FABP3: variants seen among roughly 807,000 people sequenced by gnomAD.
FABP3 encodes fatty acid-binding protein, heart.
A neutral mutation model predicts 13.4 loss-of-function variants in FABP3; 8 were observed. That is an observed-to-expected ratio of 0.60 (90% confidence interval 0.35 to 1.07). The LOEUF is 1.07. Ranked by LOEUF, FABP3 falls within the 50% of genes least tolerant of loss-of-function variation. The probability of loss-of-function intolerance (pLI) is 0.02; values close to 1 mark genes in which losing one functional copy is unlikely to be tolerated. For synonymous variants in FABP3, 64 were observed against 60.0 expected (o/e 1.07, Z -0.31); for missense variants, 135 against 164.7 (o/e 0.82, Z 0.99).
At chr1:31,369,613 A>G (rs1445795369) in intron 1 of FABP3, 56 bp from the exon 2 acceptor site, 3 of 1,548,816 alleles carry the variant, frequency 1.9e-6, no homozygotes, top group Admixed American at 1.8e-5. Context: ...AGCAGTGTAC[A>G]AGAAACTCAA....
Position 31,365,715 on chromosome 1 carries a change from A to AC in FABP3, c.*170_*171insG. 1.6e-6 allele frequency: 1 copy of AC among 608,924 alleles called. No individual in the cohort carries two copies. The highest frequency in any genetic ancestry group is 2.8e-6 in the Non-Finnish European group (1 of 350,888). 37.7% of individuals were successfully genotyped at this position (608,924 alleles called of 1,614,324 possible). A position where few individuals can be genotyped will look rare whatever the true frequency, so the allele number is the denominator to read the frequency against. ...CCTATGAGTGCAGTTAAAAAAAAAA[A>AC]AAAAAAACCACATACACCATGGGAA... On this transcript the variant is annotated 3_prime_UTR_variant, in exon 4 of 4. Coordinates refer to ENST00000373713, the MANE Select transcript of FABP3 (RefSeq NM_004102.5).
In FABP3 at chr1:31,365,778, AAG is replaced by A; in HGVS notation, c.*106_*107del. 6 of 1,031,794 alleles carry A rather than the reference AAG, an allele frequency of 5.8e-6. No individual in the cohort carries two copies. The highest frequency in any genetic ancestry group is 9.0e-6 in the Non-Finnish European group (6 of 668,230). 63.9% of individuals were successfully genotyped at this position (1,031,794 alleles called of 1,614,324 possible). The stretch of plus-strand genomic sequence containing the variant: ...CCCGGTCAGTGGCACCTGACCCCAG[AAG>A]AATTCGTGGATTTGTACAAAATGCA... On this transcript the variant is annotated 3_prime_UTR_variant, in exon 4 of 4. Coordinates refer to ENST00000373713, the MANE Select transcript of FABP3 (RefSeq NM_004102.5).
In FABP3 at chr1:31,372,047, G is replaced by A. The variant is rs1487677411; in HGVS notation, c.73+895C>T. Among the ~76,000 whole-genome samples, 4 of 152,122 alleles carry A rather than the reference G, an allele frequency of 2.6e-5. No homozygotes were observed. In the East Asian group the frequency reaches 7.7e-4, roughly 29 times the overall value. On this transcript the variant is annotated intron_variant, in intron 1 of 3. Transcript: ENST00000373713. ...TTTCAGTTTCCCTGTTGAACTAGATGGTATGGGAATCTCCAAGTTCCTCAC... is the reference window on the plus strand; with the variant it reads ...TTTCAGTTTCCCTGTTGAACTAGATAGTATGGGAATCTCCAAGTTCCTCAC...
rs1490043612 is a variant in FABP3 at position 31,365,706 on chromosome 1, A to T, written c.*180T>A. ...TCAGAGCACCCTATGAGTGCAGTTAAAAAAAAAAAAAAAAAACCACATACA... is the reference window on the plus strand; with the variant it reads ...TCAGAGCACCCTATGAGTGCAGTTATAAAAAAAAAAAAAAAACCACATACA... On this transcript the variant is annotated 3_prime_UTR_variant, in exon 4 of 4. Transcript: ENST00000373713. 1 of 306,142 alleles carries T rather than the reference A, an allele frequency of 3.3e-6. No individual in the cohort carries two copies. Among genetic ancestry groups the T allele is most frequent in the Non-Finnish European group, 6.3e-6 (1 of 158,610 alleles). 19.0% of individuals were successfully genotyped at this position (306,142 alleles called of 1,614,324 possible).
downstream of FABP3, among the ~76,000 whole-genome samples, chr1:31,362,715 G>T (rs1433774649): frequency 6.6e-6 from 1 of 152,186 alleles, no homozygotes; most frequent in Non-Finnish European, 1.5e-5. Flanking sequence ...TAGCAGTCAG[G>T]AGTTCTAAAT....
downstream of FABP3, chr1:31,364,978 C>T (rs1014882837): frequency 1.3e-5 from 2 of 152,208 alleles, no homozygotes; most frequent in Admixed American, 6.5e-5. Flanking sequence ...TCCTGGGTAA[C>T]TTACAGACTT....
chr1:31,359,837 AC>A, the FABP3 span, among the ~76,000 whole-genome samples: 3 of 152,088 alleles, frequency 2.0e-5, no homozygotes, highest in African/African-American at 7.2e-5. Flanking sequence ...TCCATCTGAT[AC>A]TTGAATCCAT....
At chr1:31,368,516 C>A (rs930691099) in intron 2 of FABP3, among the ~76,000 whole-genome samples, 2 of 152,198 alleles carry the variant, frequency 1.3e-5, no homozygotes, top group Non-Finnish European at 2.9e-5. Flanking sequence ...CCATCCCCAG[C>A]TCTGCTGCCA....
chr1:31,360,762 A>G (rs1359787563), downstream of FABP3, among the ~76,000 whole-genome samples: 2 of 152,128 alleles, frequency 1.3e-5, no homozygotes, highest in African/African-American at 4.8e-5. Flanking sequence ...CTGTGTTATA[A>G]AGTATAGTGG....
At chr1:31,361,543 T>C (rs1007029185), downstream of FABP3, among the ~76,000 whole-genome samples, 2 of 152,240 alleles carry the variant, frequency 1.3e-5, no homozygotes, top group African/African-American at 2.4e-5. Flanking sequence ...AATTTGAACT[T>C]AATTCTATCT....
At chr1:31,369,205 G>A in intron 2 of FABP3, 180 bp downstream of exon 2, 1 of 679,832 alleles carries the variant, frequency 1.5e-6, no homozygotes, top group Non-Finnish European at 2.6e-6. Context: ...GGACAGAACT[G>A]ACATGTATTT....
rs780840399 is a variant in FABP3, at chr1:31,373,006, G to T, written c.9C>A (p.Asp3Glu). 5.6e-6 allele frequency: 9 copies of T among 1,613,876 alleles called. No homozygotes were observed. The South Asian group carries it at 6.6e-5, about 12-fold the overall frequency. ...CTAGCTTCCAGGTGCCCAGGAAAGC[G>T]TCCACCATAGTGATGCTGGGCTAGG... MV[D>E]AFLGTWKLVD... Residue 3 changes from aspartate (D) to glutamate (E), a missense_variant, in exon 1 of 4, where the codon GAC (aspartate) becomes GAA (glutamate). Coordinates refer to ENST00000373713, the MANE Select transcript of FABP3 (RefSeq NM_004102.5).
chr1:31,372,622 C>T (rs1431497537), intron 1 of FABP3, among the ~76,000 whole-genome samples: 1 of 152,164 alleles, frequency 6.6e-6, no homozygotes, highest in Non-Finnish European at 1.5e-5. Flanking sequence ...TTTTTCTCCC[C>T]TGGCTACACT....
downstream of FABP3, among the ~76,000 whole-genome samples, chr1:31,365,120 C>T (rs1209699268): frequency 2.0e-5 from 3 of 152,140 alleles, no homozygotes; most frequent in Non-Finnish European, 4.4e-5. Flanking sequence ...CACTTATAAG[C>T]CCTCCCTTTT....
At chr1:31,368,745 G>A (rs990977097) in intron 2 of FABP3, among the ~76,000 whole-genome samples, 2 of 152,234 alleles carry the variant, frequency 1.3e-5, no homozygotes, top group African/African-American at 4.8e-5. Flanking sequence ...GAGGGGCTAA[G>A]GCTTGGTGGG....
chr1:31,369,666 A>G, intron 1 of FABP3, 109 bp from the exon 2 acceptor site: 6 of 1,028,678 alleles, frequency 5.8e-6, no homozygotes, highest in South Asian at 1.6e-5. Flanking sequence ...GGAGGACTGT[A>G]TCTTTCAAAG....
intron 3 of FABP3, 137 bp from the exon 4 acceptor site, chr1:31,366,076 G>A (rs1035526561): frequency 3.5e-5 from 20 of 578,210 alleles, no homozygotes; most frequent in Non-Finnish European, 4.4e-5. Context: ...GTGTGTGTGT[G>A]TGTGTGTGTG....
chr1:31,365,942 G>C lies in FABP3; in HGVS notation c.349-3C>G. ...ACTGCAGTGCCGTGGGTGAGTGTCT[G>C]GAAGGAAAGACAGAGTGAGATGGGG... is the stretch of plus-strand genomic sequence containing the variant. On this transcript the variant is annotated splice_region_variant and splice_polypyrimidine_tract_variant and intron_variant, in intron 3 of 3. Coordinates refer to ENST00000373713, the MANE Select transcript of FABP3 (RefSeq NM_004102.5). 6.2e-7 allele frequency: 1 copy of C among 1,613,750 alleles called. No homozygotes were observed. Among genetic ancestry groups the C allele is most frequent in the Non-Finnish European group, 8.5e-7 (1 of 1,179,852 alleles).
chr1:31,365,804 C>T lies in FABP3; in HGVS notation c.*82G>A, dbSNP rs1640096119. ...AGAATTCGTGGATTTGTACAAAATG[C>T]AGAGGAAGAAATGAGGCAATGTGGT... is the stretch of plus-strand genomic sequence containing the variant. On this transcript the variant is annotated 3_prime_UTR_variant, in exon 4 of 4. Transcript: ENST00000373713. 3 of 1,278,650 alleles carry T rather than the reference C, an allele frequency of 2.3e-6. No individual in the cohort carries two copies. The highest frequency in any genetic ancestry group is 2.4e-5 in the South Asian group (2 of 82,292). The allele number at this position is 1,278,650 out of a possible 1,614,324, so 79.2% of individuals were successfully genotyped here.
Sources: allele counts gnomAD v4.1 joint callset (sites outside exome capture counted in the v4.1 genomes callset), GRCh38; gene constraint gnomAD v4.1.1; transcripts MANE v1.5; gene names NCBI Gene and HGNC (gene_info 2026-07-23, HGNC 2026-07-21).